GLT1D1: variants seen among roughly 807,000 people sequenced by gnomAD.
The protein encoded by GLT1D1 is glycosyltransferase 1 domain containing 1.
Under a neutral mutation model 28.7 loss-of-function variants are expected in GLT1D1, and 21 were observed. The ratio of observed to expected loss-of-function variants is 0.73; its 90% CI spans 0.52 to 1.05. The LOEUF (loss-of-function observed/expected upper bound fraction) is 1.05. GLT1D1 is among the 50% of genes least tolerant of loss of function. The pLI is 0.00. For missense variants in GLT1D1, 343 were observed against 330.6 expected, an observed-to-expected ratio of 1.04 and a Z score of -0.29; for synonymous variants, 147 against 124.8, an observed-to-expected ratio of 1.18 and a Z score of -1.19.
At chr12:128,933,967 CTA>C (rs1450164221) in intron 4 of GLT1D1, among the ~76,000 whole-genome samples, 1 of 152,106 alleles carries the variant, frequency 6.6e-6, no homozygotes, top group African/African-American at 2.4e-5. Context: ...ATTGGAAAGA[CTA>C]TGGCATACAA....
At chr12:128,979,063 C>A (rs776127401) in intron 7 of GLT1D1, among the ~76,000 whole-genome samples, 4 of 152,190 alleles carry the variant, frequency 2.6e-5, no homozygotes, top group African/African-American at 4.8e-5. Flanking sequence ...GCCTTAGCCT[C>A]CTGGGAATGC....
In GLT1D1 at chr12:128,947,466, T is replaced by C. The variant is rs142904087; in HGVS notation, c.540+8T>C. Reference sequence around the variant, plus strand: ...TCAGCTGCAATTTTGGAGGTAATTATGTAACTCGAGTACTGAAAGTGGGAG... The same window carrying C: ...TCAGCTGCAATTTTGGAGGTAATTACGTAACTCGAGTACTGAAAGTGGGAG... On this transcript the variant is annotated splice_region_variant and intron_variant, in intron 6 of 7. Coordinates refer to ENST00000281703, the MANE Select transcript of GLT1D1 (RefSeq NM_144669.3). 19 of 1,614,198 alleles carry C rather than the reference T, an allele frequency of 1.2e-5. No homozygotes were observed. In the African/African-American group the frequency reaches 1.9e-4, roughly 16 times the overall value.
intron 4 of GLT1D1, among the ~76,000 whole-genome samples, chr12:128,923,824 T>C (rs1872905388): frequency 1.3e-5 from 2 of 152,034 alleles, no homozygotes; most frequent in Admixed American, 6.6e-5. Flanking sequence ...CTGGCCAGGA[T>C]CCCTCACTTT....
intron 7 of GLT1D1, among the ~76,000 whole-genome samples, chr12:128,977,845 C>T (rs986102405): frequency 1.3e-5 from 2 of 148,532 alleles, no homozygotes; most frequent in Non-Finnish European, 3.0e-5. Context: ...ATGAATGGCG[C>T]TATCTCAGCT....
At chr12:128,942,743 G>GTT (rs1254764237) in intron 4 of GLT1D1, among the ~76,000 whole-genome samples, 9 of 100,876 alleles carry the variant, frequency 8.9e-5, no homozygotes, top group South Asian at 3.6e-4. Context: ...TTGTTTGTTT[G>GTT]TTTTTGTTTT....
intron 1 of GLT1D1, among the ~76,000 whole-genome samples, chr12:128,863,373 T>G (rs180983597): frequency 1.5e-3 from 210 of 136,758 alleles, no homozygotes; most frequent in African/African-American, 5.4e-3. Flanking sequence ...TTTGGATAAT[T>G]TATTATTTTT....
Position 128,853,618 on chromosome 12 carries a change from A to G in GLT1D1, c.37A>G (p.Thr13Ala). The G allele has an allele frequency of 1.7e-6, 2 of 1,178,746 alleles. No individual in the cohort carries two copies. Among genetic ancestry groups the G allele is most frequent in the East Asian group, 5.9e-5 (1 of 16,918 alleles). 73.0% of individuals were successfully genotyped at this position (1,178,746 alleles called of 1,614,324 possible). A position where few individuals can be genotyped will look rare whatever the true frequency, so the allele number is the denominator to read the frequency against. ...GTTCCTGGCGGTGCTGCGGCCACAC[A>G]CCGGCAACGCGGTCACGGCCCAGCG... The change falls in exon 1 of 8, where the codon ACC becomes GCC. Residue 13 changes from threonine to alanine, a missense_variant. By Grantham distance (58) the Thr-to-Ala change is moderately conservative (BLOSUM62 0). Coordinates refer to ENST00000281703, the MANE Select transcript of GLT1D1 (RefSeq NM_144669.3).
At chr12:128,907,119 A>G (rs1870958672) in intron 4 of GLT1D1, among the ~76,000 whole-genome samples, 1 of 152,094 alleles carries the variant, frequency 6.6e-6, no homozygotes, top group Non-Finnish European at 1.5e-5. Context: ...ATTACCTCGG[A>G]AAGTCATCTT....
rs141096725 is a variant in GLT1D1, at chr12:128,899,281, G to T, written c.369G>T (p.Ala123=). Residue 123 remains alanine (A), a synonymous_variant, in exon 4 of 8, where the codon GCG becomes GCT. Transcript: ENST00000281703. ...AGTCAATGAAGGAAATGGCACAAGC[G>T]CAGTGGGTATGTGTTTATCTGGTGT... The T allele has an allele frequency of 8.2e-5, 133 of 1,612,994 alleles. No individual in the cohort carries two copies. The South Asian group carries it at 1.3e-3, about 16-fold the overall frequency.
At chr12:128,856,268 C>T (rs1956220758) in intron 1 of GLT1D1, among the ~76,000 whole-genome samples, 1 of 152,154 alleles carries the variant, frequency 6.6e-6, no homozygotes, top group African/African-American at 2.4e-5. Context: ...TTCTTTACTG[C>T]ATCCTGTTTT....
At chr12:128,968,214 C>T (rs1327797997) in intron 7 of GLT1D1, among the ~76,000 whole-genome samples, 1 of 151,778 alleles carries the variant, frequency 6.6e-6, no homozygotes, top group Non-Finnish European at 1.5e-5. Flanking sequence ...CCAAGATGGT[C>T]TCCATCTCCT....
intron 4 of GLT1D1, chr12:128,907,047 C>G (rs73440340): frequency 4.4e-6 from 3 of 689,360 alleles, no homozygotes; most frequent in Non-Finnish European, 7.9e-6. Context: ...TAGAAGCATG[C>G]TGTCTTTTGA....
At chr12:128,968,083 GCCT>G (rs1305817651) in intron 7 of GLT1D1, among the ~76,000 whole-genome samples, 1 of 152,040 alleles carries the variant, frequency 6.6e-6, no homozygotes, top group Admixed American at 6.5e-5. Context: ...TGCAAGCTCC[GCCT>G]CCCGGTTCAC....
chr12:128,903,158 G>A (rs1431371407), intron 4 of GLT1D1, among the ~76,000 whole-genome samples: 4 of 151,554 alleles, frequency 2.6e-5, no homozygotes, highest in African/African-American at 9.8e-5. Flanking sequence ...CTCCAGAATT[G>A]GCATAGATGA....
chr12:128,976,108 C>T lies in GLT1D1; in HGVS notation c.640-6821C>T, dbSNP rs554003365. Among the ~76,000 whole-genome samples, 75 of 152,350 alleles carry T rather than the reference C, an allele frequency of 4.9e-4. 1 individual carries two copies. Among genetic ancestry groups the T allele is most frequent in the African/African-American group, 1.7e-3 (71 of 41,586 alleles). ...AAGAAAAGTACCACAGTCAGATGCA[C>T]GTTCCTCTTCTAGGCATTGAGGTCT... On this transcript the variant is annotated intron_variant, in intron 7 of 7. Coordinates refer to ENST00000281703, the MANE Select transcript of GLT1D1 (RefSeq NM_144669.3).
chr12:128,918,607 T>C (rs1872340415), intron 4 of GLT1D1, among the ~76,000 whole-genome samples: 1 of 152,230 alleles, frequency 6.6e-6, no homozygotes. Context: ...AGTGTATTCA[T>C]CAATCTCAGC....
At chr12:128,896,728 C>A (rs1593098626) in intron 3 of GLT1D1, among the ~76,000 whole-genome samples, 1 of 151,966 alleles carries the variant, frequency 6.6e-6, no homozygotes, top group African/African-American at 2.4e-5. Context: ...TACAGGCATG[C>A]ACCACCATGC....
intron 4 of GLT1D1, among the ~76,000 whole-genome samples, chr12:128,910,264 CTTTTTTTT>C (rs11361008): frequency 7.0e-5 from 8 of 114,292 alleles, no homozygotes; most frequent in Non-Finnish European, 1.1e-4. Flanking sequence ...AAGTTTAACT[CTTTTTTTT>C]TTTTTTTTTT....
intron 1 of GLT1D1, among the ~76,000 whole-genome samples, chr12:128,855,838 T>C (rs1682459): frequency 0.093 from 13,663 of 146,756 alleles, 691 homozygotes; most frequent in East Asian, 0.18. Flanking sequence ...CTGCAACCTC[T>C]GCCCCCCGGT....
Sources: allele counts gnomAD v4.1 joint callset (sites outside exome capture counted in the v4.1 genomes callset), GRCh38; gene constraint gnomAD v4.1.1; transcripts MANE v1.5; gene names NCBI Gene and HGNC (gene_info 2026-07-23, HGNC 2026-07-21).